The following KL variants were observed in gnomAD, a reference collection of about 807,000 sequenced individuals.
KL encodes alpha-klotho.
Under a neutral mutation model 84.2 loss-of-function variants are expected in KL, and 62 were observed. The ratio of observed to expected loss-of-function variants is 0.74; its 90% CI spans 0.60 to 0.91. The LOEUF (loss-of-function observed/expected upper bound fraction) is 0.91, where lower values mean the gene tolerates loss of function less well. Among genes scored for constraint, KL ranks in the 40% least tolerant of loss-of-function variants. The probability of loss-of-function intolerance (pLI) is 0.00; values close to 1 mark genes in which losing one functional copy is unlikely to be tolerated. For synonymous variants in KL, 528 were observed against 528.0 expected (o/e 1.00, Z 0.00); for missense variants, 1,261 against 1,305.7 (o/e 0.97, Z 0.53).
At chr13:33,046,874 C>T (rs1871550665) in intron 1 of KL, among the ~76,000 whole-genome samples, 2 of 151,816 alleles carry the variant, frequency 1.3e-5, no homozygotes, top group Non-Finnish European at 2.9e-5. Flanking sequence ...TAAGCTTTTG[C>T]TAATCTACCT....
Position 33,047,054 on chromosome 13 carries a change from TG to T in KL, c.820-6711del, listed in dbSNP as rs543925565. On this transcript the variant is annotated intron_variant, in intron 1 of 4. Transcript: ENST00000380099. The stretch of plus-strand genomic sequence containing the variant: ...TTAAAATTTATTAAGACTTATTTTC[TG>T]GTCTAACATATGATCTATCCTGGAA... Among the ~76,000 whole-genome samples, 119 of 152,328 alleles carry T rather than the reference TG, an allele frequency of 7.8e-4. 2 individuals are homozygous for T. In the South Asian group the frequency reaches 0.023, roughly 30 times the overall value.
In KL at chr13:33,016,966, C is replaced by T. The variant is rs2138183405; in HGVS notation, c.526C>T (p.Leu176=). 6.2e-7 allele frequency: 1 copy of T among 1,600,792 alleles called. No homozygotes were observed. Among genetic ancestry groups the T allele is most frequent in the East Asian group, 2.2e-5 (1 of 44,558 alleles). Residue 176 remains leucine (L), a synonymous_variant, in exon 1 of 5, where the codon CTG becomes TTG. Transcript: ENST00000380099. The part of the protein sequence containing the change: ...NREGLRYYRR[L]LERLRELGVQ... ...CGAGGGGCTGCGCTACTACCGGCGCCTGCTGGAGCGGCTGCGGGAGCTGGG... is the reference window on the plus strand; with the variant it reads ...CGAGGGGCTGCGCTACTACCGGCGCTTGCTGGAGCGGCTGCGGGAGCTGGG...
At chr13:33,046,674 G>A (rs1396166628) in intron 1 of KL, among the ~76,000 whole-genome samples, 1 of 148,594 alleles carries the variant, frequency 6.7e-6, no homozygotes, top group Non-Finnish European at 1.5e-5. Context: ...CCTTTATTCT[G>A]TTAGCTGTGA....
At chr13:33,039,189 C>T (rs1871248861) in intron 1 of KL, among the ~76,000 whole-genome samples, 1 of 152,102 alleles carries the variant, frequency 6.6e-6, no homozygotes, top group Non-Finnish European at 1.5e-5. Context: ...ATTTATTGCT[C>T]ATAAAATTAA....
chr13:33,021,016 C>G (rs1385688369), intron 1 of KL, among the ~76,000 whole-genome samples: 1 of 152,224 alleles, frequency 6.6e-6, no homozygotes, highest in Non-Finnish European at 1.5e-5. Flanking sequence ...TCCTCCCGCG[C>G]TCTTCCCTTT....
intron 1 of KL, among the ~76,000 whole-genome samples, chr13:33,050,718 A>G (rs1021609177): frequency 9.2e-5 from 14 of 152,230 alleles, no homozygotes; most frequent in African/African-American, 2.9e-4. Flanking sequence ...GAGTAATCAA[A>G]TAAGTTTCAA....
intron 1 of KL, among the ~76,000 whole-genome samples, chr13:33,034,199 C>T (rs1403407736): frequency 3.9e-5 from 6 of 152,142 alleles, no homozygotes; most frequent in Admixed American, 3.9e-4. Flanking sequence ...CAAAGGGAGA[C>T]TGTACAGAAA....
intron 1 of KL, among the ~76,000 whole-genome samples, chr13:33,029,088 T>C (rs1311894306): frequency 6.6e-6 from 1 of 152,258 alleles, no homozygotes; most frequent in Non-Finnish European, 1.5e-5. Flanking sequence ...CATGAACATA[T>C]ATTACTTGTA....
In KL at chr13:33,061,426, A is replaced by T; in HGVS notation, c.2347A>T (p.Asn783Tyr). The T allele has an allele frequency of 6.2e-7, 1 of 1,614,190 alleles. No individual in the cohort carries two copies. Among genetic ancestry groups the T allele is most frequent in the Non-Finnish European group, 8.5e-7 (1 of 1,180,014 alleles). ...GAGGGACTGGCTGAACCAAAGAAAC[A>T]ATTTTCTTCTTCCTTATTTCACTGA... is the stretch of plus-strand genomic sequence containing the variant. The part of the protein sequence containing the change: ...VMRDWLNQRN[N>Y]FLLPYFTEDE... The change falls in exon 4 of 5, where the codon AAT (asparagine) becomes TAT (tyrosine). Residue 783 changes from asparagine (N) to tyrosine (Y), a missense_variant. Transcript: ENST00000380099.
In KL at chr13:33,016,631, G is replaced by T. The variant is rs749006234; in HGVS notation, c.191G>T (p.Gly64Val). The T allele has an allele frequency of 6.4e-7, 1 of 1,557,530 alleles. No homozygotes were observed. Residue 64 changes from glycine (G) to valine (V), a missense_variant, in exon 1 of 5, where the codon GGC (glycine) becomes GTC (valine). By Grantham distance (109) the Gly-to-Val change is moderately radical. Coordinates refer to ENST00000380099, the MANE Select transcript of KL (RefSeq NM_004795.4). ...CTCTTCCAGGGCACCTTCCCCGACG[G>T]CTTCCTCTGGGCCGTGGGCAGCGCC... ...AGLFQGTFPD[G>V]FLWAVGSAAY...
rs1872335766 is a variant in KL at position 33,064,558 on chromosome 13, G to A, written c.*372G>A. ...CACTTCTAAATTTAATGTTTTTCTG[G>A]AAGTAGTAATTGCAAGAGTTCGAAT... On this transcript the variant is annotated 3_prime_UTR_variant, in exon 5 of 5. Coordinates refer to ENST00000380099, the MANE Select transcript of KL (RefSeq NM_004795.4). The A allele has an allele frequency of 3.7e-6, 1 of 269,948 alleles. No individual in the cohort carries two copies. The highest frequency in any genetic ancestry group is 2.2e-5 in the African/African-American group (1 of 45,530). The allele number at this position is 269,948 out of a possible 1,614,324, so 16.7% of individuals were successfully genotyped here. A position where few individuals can be genotyped will look rare whatever the true frequency, so the allele number is the denominator to read the frequency against.
intron 1 of KL, among the ~76,000 whole-genome samples, chr13:33,017,815 T>G (rs1381292804): frequency 6.6e-6 from 1 of 152,220 alleles, no homozygotes; most frequent in African/African-American, 2.4e-5. Flanking sequence ...GGCAGGGAAC[T>G]GCATCCACCA....
intron 3 of KL, 50 bp from the exon 4 acceptor site, chr13:33,060,629 C>T (rs146002003): frequency 1.9e-6 from 3 of 1,607,376 alleles, no homozygotes; most frequent in African/African-American, 2.7e-5. Context: ...CTTTGAATTA[C>T]TTCCTCAGGA....
At chr13:33,047,351 ACT>A (rs1871573339) in intron 1 of KL, among the ~76,000 whole-genome samples, 1 of 110,494 alleles carries the variant, frequency 9.1e-6, no homozygotes, top group African/African-American at 3.0e-5. Flanking sequence ...TCTAAAATCT[ACT>A]TTCTTTTTTT....
intron 1 of KL, among the ~76,000 whole-genome samples, chr13:33,049,225 C>G (rs893019630): frequency 6.6e-6 from 1 of 152,082 alleles, no homozygotes; most frequent in Admixed American, 6.6e-5. Context: ...AAATAAGAAC[C>G]AGAGTAGCTT....
chr13:33,048,094 G>T (rs1871604806), intron 1 of KL, among the ~76,000 whole-genome samples: 1 of 151,860 alleles, frequency 6.6e-6, no homozygotes, highest in African/African-American at 2.4e-5. Context: ...CCAATGTCTG[G>T]GACATCTTGG....
intron 1 of KL, among the ~76,000 whole-genome samples, chr13:33,036,113 A>G (rs1172467049): frequency 6.6e-6 from 1 of 152,218 alleles, no homozygotes; most frequent in Admixed American, 6.5e-5. Flanking sequence ...ACTTTTAACT[A>G]AACGGATTCT....
chr13:33,055,154 G>A lies in KL; in HGVS notation c.1438G>A (p.Asp480Asn), dbSNP rs1435874505. ...CATCAGGCGTGGACTCTTCTATGTT[G>A]ACTTTCTAAGCCAGGACAAGATGTT... ...YSIRRGLFYV[D>N]FLSQDKMLLP... The change falls in exon 3 of 5, where the codon GAC becomes AAC. Residue 480 changes from aspartate (D) to asparagine (N), a missense_variant. Coordinates refer to ENST00000380099, the MANE Select transcript of KL (RefSeq NM_004795.4). The A allele has an allele frequency of 5.6e-6, 9 of 1,614,190 alleles. No individual in the cohort carries two copies. Among genetic ancestry groups the A allele is most frequent in the East Asian group, 2.2e-5 (1 of 44,878 alleles).
At chr13:33,035,119 T>C (rs1281854523) in intron 1 of KL, among the ~76,000 whole-genome samples, 2 of 152,186 alleles carry the variant, frequency 1.3e-5, no homozygotes, top group African/African-American at 4.8e-5. Flanking sequence ...GCCGATGACT[T>C]TCCGCTATCC....
Sources: gnomAD v4.1 joint callset for allele counts (sites outside exome capture counted in the v4.1 genomes callset) on GRCh38, gnomAD v4.1.1 for gene constraint, MANE v1.5 for transcripts, NCBI Gene and HGNC (gene_info 2026-07-23, HGNC 2026-07-21) for gene names.